Variants in SNRK observed in about 807,000 individuals in gnomAD.
The protein encoded by SNRK is SNF-related serine/threonine-protein kinase.
Under a neutral mutation model 48.2 loss-of-function variants are expected in SNRK, and 3 were observed. That is an observed-to-expected ratio of 0.06 (90% confidence interval 0.03 to 0.16). SNRK has a LOEUF of 0.16. Ranked by LOEUF, SNRK falls within the 10% of genes least tolerant of loss-of-function variation. The pLI, the probability that SNRK is intolerant of heterozygous loss-of-function variation, is 1.00. For missense variants in SNRK, 627 were observed against 976.0 expected (o/e 0.64, Z 4.76); for synonymous variants, 376 against 366.1 (o/e 1.03, Z -0.31).
intron 4 of SNRK, among the ~76,000 whole-genome samples, chr3:43,336,011 G>A (rs1023147654): frequency 6.6e-6 from 1 of 151,744 alleles, no homozygotes; most frequent in African/African-American, 2.4e-5. Context: ...GATCATTTTT[G>A]TGTTTTAAAT....
At chr3:43,325,527 C>T (rs2091090549) in intron 3 of SNRK, among the ~76,000 whole-genome samples, 1 of 152,056 alleles carries the variant, frequency 6.6e-6, no homozygotes, top group Non-Finnish European at 1.5e-5. Context: ...AGCTGTCAAA[C>T]TAAAACGTTT....
chr3:43,326,424 A>C (rs1299626590), intron 3 of SNRK, among the ~76,000 whole-genome samples: 1 of 151,466 alleles, frequency 6.6e-6, no homozygotes, highest in Non-Finnish European at 1.5e-5. Flanking sequence ...ACTTGTGTTG[A>C]GCAGGCCCTG....
intron 1 of SNRK, among the ~76,000 whole-genome samples, chr3:43,291,315 A>G (rs2090810504): frequency 6.6e-6 from 1 of 152,176 alleles, no homozygotes; most frequent in South Asian, 2.1e-4. Context: ...TCTCCAAGGC[A>G]GATTTAGGAG....
chr3:43,348,708 T>C lies in SNRK; in HGVS notation c.*151T>C. The stretch of plus-strand genomic sequence containing the variant: ...ATTTGTTCGCCTGATGATGTGACAA[T>C]GCATGGTCTTTGTGCATGCTGCTAG... On this transcript the variant is annotated 3_prime_UTR_variant, in exon 7 of 7. Transcript: ENST00000296088. The C allele has an allele frequency of 1.3e-6, 1 of 792,488 alleles. No individual in the cohort carries two copies. The highest frequency in any genetic ancestry group is 1.8e-6 in the Non-Finnish European group (1 of 554,472). 49.1% of individuals were successfully genotyped at this position (792,488 alleles called of 1,614,324 possible). A position where few individuals can be genotyped will look rare whatever the true frequency, so the allele number is the denominator to read the frequency against.
At chr3:43,298,616 T>G (rs1446941278) in intron 1 of SNRK, among the ~76,000 whole-genome samples, 1 of 152,242 alleles carries the variant, frequency 6.6e-6, no homozygotes. Context: ...TTCTCCCAAG[T>G]GCATTTGAAC....
intron 3 of SNRK, among the ~76,000 whole-genome samples, chr3:43,313,024 G>T (rs2090990122): frequency 6.6e-6 from 1 of 152,120 alleles, no homozygotes; most frequent in Non-Finnish European, 1.5e-5. Context: ...AACTCTGCAG[G>T]GGTTTTATAG....
At chr3:43,330,660 T>C (rs1362708140) in intron 3 of SNRK, among the ~76,000 whole-genome samples, 2 of 152,212 alleles carry the variant, frequency 1.3e-5, no homozygotes, top group Admixed American at 6.5e-5. Context: ...TGAATGGGGA[T>C]GGCTCTCTGG....
At chr3:43,341,324 C>G (rs980890044) in intron 5 of SNRK, among the ~76,000 whole-genome samples, 63 of 152,124 alleles carry the variant, frequency 4.1e-4, no homozygotes, top group African/African-American at 1.4e-3. Context: ...CTAATTTTTT[C>G]TATTTTTTAG....
intron 4 of SNRK, among the ~76,000 whole-genome samples, chr3:43,338,107 T>C (rs1452003259): frequency 6.6e-6 from 1 of 152,208 alleles, no homozygotes; most frequent in Non-Finnish European, 1.5e-5. Context: ...TACCATCCAA[T>C]ATTTTAATAA....
Position 43,343,383 on chromosome 3 carries a change from A to G in SNRK, c.984A>G (p.Thr328=), listed in dbSNP as rs2091251853. 1.2e-6 allele frequency: 2 copies of G among 1,614,088 alleles called. No homozygotes were observed. The highest frequency in any genetic ancestry group is 1.3e-5 in the African/African-American group (1 of 74,932). The part of the protein sequence containing the change: ...ETNRYNHITA[T]YFLLAERILR... The stretch of plus-strand genomic sequence containing the variant: ...ACAGGTATAACCATATCACAGCCAC[A>G]TACTTCCTGCTGGCTGAAAGGATCC... Residue 328 remains threonine (T), a synonymous_variant, in exon 6 of 7, where the codon ACA becomes ACG. Coordinates refer to ENST00000296088, the MANE Select transcript of SNRK (RefSeq NM_017719.5).
intron 3 of SNRK, among the ~76,000 whole-genome samples, chr3:43,329,936 G>C (rs2091133694): frequency 6.6e-6 from 1 of 152,090 alleles, no homozygotes; most frequent in African/African-American, 2.4e-5. Context: ...ACATTATTTT[G>C]AATAATTGCA....
chr3:43,334,431 A>G (rs900619564), intron 4 of SNRK, among the ~76,000 whole-genome samples: 2 of 152,048 alleles, frequency 1.3e-5, no homozygotes, highest in Non-Finnish European at 2.9e-5. Context: ...ACTGCACTCC[A>G]GTCTGGGTAA....
At chr3:43,310,188 T>C (rs1192936301) in intron 3 of SNRK, among the ~76,000 whole-genome samples, 2 of 144,934 alleles carry the variant, frequency 1.4e-5, no homozygotes, top group African/African-American at 5.8e-5. Context: ...AATTTATTTA[T>C]ATTTATTATT....
At chr3:43,293,975 T>A (rs2090833338) in intron 1 of SNRK, among the ~76,000 whole-genome samples, 1 of 152,196 alleles carries the variant, frequency 6.6e-6, no homozygotes, top group South Asian at 2.1e-4. Context: ...TACAATTTTT[T>A]TTAAACTTAA....
intron 1 of SNRK, among the ~76,000 whole-genome samples, chr3:43,287,743 A>G (rs982800947): frequency 6.6e-6 from 1 of 152,164 alleles, no homozygotes; most frequent in African/African-American, 2.4e-5. Context: ...CTTGTATGGG[A>G]TTGGAGCACT....
rs766369522 is a variant in SNRK at position 43,348,112 on chromosome 3, A to G, written c.1853A>G (p.Asn618Ser). The G allele has an allele frequency of 1.6e-5, 26 of 1,588,316 alleles. No homozygotes were observed. Among genetic ancestry groups the G allele is most frequent in the Admixed American group, 3.5e-5 (2 of 57,330 alleles). Residue 618 changes from asparagine (N) to serine (S), a missense_variant, in exon 7 of 7, where the codon AAT becomes AGT. By Grantham distance (46) the Asn-to-Ser change is conservative. Around this residue, in one of 4 missense-constraint regions of SNRK, gnomAD observed 207 missense variants for 234.3 expected, o/e 0.88. Transcript: ENST00000296088. The stretch of plus-strand genomic sequence containing the variant: ...AGCGGCTCGGGTGGCAACCCCACCA[A>G]TACATCGGGTACCACACGCCGCTGT... ...PSSGSGGNPT[N>S]TSGTTRRCAG...
At chr3:43,334,697 G>A (rs570553247) in intron 4 of SNRK, among the ~76,000 whole-genome samples, 7 of 151,848 alleles carry the variant, frequency 4.6e-5, no homozygotes, top group Admixed American at 6.6e-5. Flanking sequence ...GGGTTCAAGC[G>A]ATTCTCCTGC....
rs1184900581 is a variant in SNRK at position 43,350,705 on chromosome 3, G to C, written c.*2148G>C. ...TATGTCGTCACATAAAAGGGAGGGA[G>C]CGAAAAACCATTACATTAAGATAAT... On this transcript the variant is annotated 3_prime_UTR_variant, in exon 7 of 7. Coordinates refer to ENST00000296088, the MANE Select transcript of SNRK (RefSeq NM_017719.5). 6.6e-6 allele frequency: 1 copy of C among 152,576 alleles called. No individual in the cohort carries two copies. The allele number at this position is 152,576 out of a possible 1,614,324, so 9.5% of individuals were successfully genotyped here. A position where few individuals can be genotyped will look rare whatever the true frequency, so the allele number is the denominator to read the frequency against.
intron 6 of SNRK, among the ~76,000 whole-genome samples, chr3:43,345,982 G>A (rs907389222): frequency 2.6e-5 from 4 of 152,140 alleles, no homozygotes; most frequent in Non-Finnish European, 5.9e-5. Flanking sequence ...CTGTGTCCGG[G>A]GCCTGTCTGC....
Sources: allele counts gnomAD v4.1 joint callset (sites outside exome capture counted in the v4.1 genomes callset), GRCh38; gene constraint gnomAD v4.1.1; regional missense constraint gnomAD v4.1.1; transcripts MANE v1.5; gene names NCBI Gene and HGNC (gene_info 2026-07-23, HGNC 2026-07-21).